The following ROBO1 variants were observed in gnomAD, a reference collection of about 807,000 sequenced individuals.
ROBO1 encodes the protein roundabout homolog 1.
ROBO1 carries 149 observed loss-of-function variants against 195.9 expected under a neutral mutation model. That is an observed-to-expected ratio of 0.76 (90% CI 0.67 to 0.87). The LOEUF (loss-of-function observed/expected upper bound fraction) is 0.87. Ranked by LOEUF, ROBO1 falls within the 40% of genes least tolerant of loss-of-function variation. The pLI is 0.00. For missense variants in ROBO1, 1,933 were observed against 2,068.3 expected (o/e 0.93, Z 1.27); for synonymous variants, 816 against 733.2 (o/e 1.11, Z -1.82).
At chr3:79,075,448 T>C (rs1030995005) in intron 3 of ROBO1, among the ~76,000 whole-genome samples, 1 of 152,004 alleles carries the variant, frequency 6.6e-6, no homozygotes, top group Admixed American at 6.6e-5. Flanking sequence ...TAACAAAATA[T>C]GTATTTTCTA....
chr3:79,649,727 C>T (rs913340272), intron 1 of ROBO1, among the ~76,000 whole-genome samples: 3 of 152,036 alleles, frequency 2.0e-5, no homozygotes, highest in African/African-American at 7.2e-5. Flanking sequence ...GGAAATTAGC[C>T]TATGAGTCTG....
chr3:79,171,163 T>C (rs2081158206), intron 2 of ROBO1, among the ~76,000 whole-genome samples: 2 of 149,922 alleles, frequency 1.3e-5, no homozygotes, highest in Admixed American at 1.3e-4. Flanking sequence ...TTAAATATCT[T>C]ATGTTAAAAA....
intron 2 of ROBO1, among the ~76,000 whole-genome samples, chr3:79,250,776 C>A (rs2108908041): frequency 6.6e-6 from 1 of 152,118 alleles, no homozygotes; most frequent in South Asian, 2.1e-4. Flanking sequence ...GAAATGAGGG[C>A]CAGGCGCGTT....
chr3:79,690,774 T>C (rs1947275962), intron 1 of ROBO1, among the ~76,000 whole-genome samples: 3 of 151,982 alleles, frequency 2.0e-5, no homozygotes, highest in Non-Finnish European at 2.9e-5. Context: ...ATTCACTTAA[T>C]GAATATTATC....
chr3:79,239,745 T>C (rs1182778159), intron 2 of ROBO1, among the ~76,000 whole-genome samples: 1 of 152,208 alleles, frequency 6.6e-6, no homozygotes, highest in Non-Finnish European at 1.5e-5. Flanking sequence ...TACATCTGTT[T>C]GATCTTTTCA....
chr3:79,706,671 G>A (rs1447805216), intron 1 of ROBO1, among the ~76,000 whole-genome samples: 1 of 152,028 alleles, frequency 6.6e-6, no homozygotes, highest in Non-Finnish European at 1.5e-5. Context: ...GGCGGGGGTA[G>A]TTTCCCTGCA....
chr3:79,236,152 G>C (rs2082403468), intron 2 of ROBO1, among the ~76,000 whole-genome samples: 1 of 151,980 alleles, frequency 6.6e-6, no homozygotes, highest in Admixed American at 6.5e-5. Flanking sequence ...ACACACGTAT[G>C]ACATTTTCAT....
chr3:78,719,224 C>G (rs2081982786), intron 5 of ROBO1, among the ~76,000 whole-genome samples: 1 of 152,030 alleles, frequency 6.6e-6, no homozygotes, highest in Non-Finnish European at 1.5e-5. Flanking sequence ...CAGAATGACG[C>G]CTGCACGCAG....
At chr3:78,826,764 G>A (rs1382178616) in intron 4 of ROBO1, among the ~76,000 whole-genome samples, 3 of 152,094 alleles carry the variant, frequency 2.0e-5, no homozygotes, top group Non-Finnish European at 2.9e-5. Flanking sequence ...TTATCACTTC[G>A]ATATATTTGT....
intron 2 of ROBO1, among the ~76,000 whole-genome samples, chr3:79,280,870 G>T (rs1300362687): frequency 6.6e-6 from 1 of 152,168 alleles, no homozygotes; most frequent in Non-Finnish European, 1.5e-5. Flanking sequence ...CCGCAGATCT[G>T]ACAGGAGGCG....
intron 2 of ROBO1, among the ~76,000 whole-genome samples, chr3:79,141,132 T>C (rs564705380): frequency 1.3e-5 from 2 of 152,276 alleles, no homozygotes; most frequent in South Asian, 2.1e-4. Flanking sequence ...TGTAGAGAGA[T>C]AGAAACTATG....
intron 26 of ROBO1, among the ~76,000 whole-genome samples, chr3:78,623,405 C>T (rs1399868573): frequency 6.6e-6 from 1 of 152,096 alleles, no homozygotes; most frequent in African/African-American, 2.4e-5. Context: ...GTGCTTATTC[C>T]AGGAACTAGA....
chr3:79,407,322 C>T lies in ROBO1; in HGVS notation c.88+182502G>A, dbSNP rs548117704. 2.0e-5 allele frequency among the ~76,000 whole-genome samples: 3 copies of T among 152,316 alleles called. No individual in the cohort carries two copies. In the East Asian group the frequency reaches 5.8e-4, roughly 29 times the overall value. On this transcript the variant is annotated intron_variant, in intron 2 of 30. Coordinates refer to ENST00000464233, the MANE Select transcript of ROBO1 (RefSeq NM_002941.4). Reference sequence around the variant, plus strand: ...TAAATGGATGATGTACATAAACTCACAGTCTCGGGGCCTTGCCTTATGAAA... The same window carrying T: ...TAAATGGATGATGTACATAAACTCATAGTCTCGGGGCCTTGCCTTATGAAA...
intron 5 of ROBO1, among the ~76,000 whole-genome samples, chr3:78,745,256 C>T (rs145463207): frequency 0.013 from 1,877 of 145,668 alleles, 15 homozygotes; most frequent in Non-Finnish European, 0.021. Context: ...TTCAGTGAGC[C>T]GAGATCGTGC....
At chr3:79,122,199 A>C (rs919051704) in intron 3 of ROBO1, among the ~76,000 whole-genome samples, 1 of 152,018 alleles carries the variant, frequency 6.6e-6, no homozygotes, top group Non-Finnish European at 1.5e-5. Context: ...TTGTTCTTGC[A>C]ACAAAGGCTA....
At chr3:79,124,768 A>G (rs1328687025) in intron 3 of ROBO1, among the ~76,000 whole-genome samples, 1 of 152,220 alleles carries the variant, frequency 6.6e-6, no homozygotes, top group Non-Finnish European at 1.5e-5. Flanking sequence ...TTTTAGTCAA[A>G]TTATCTCAGA....
At chr3:79,189,369 A>C (rs528713608) in intron 2 of ROBO1, among the ~76,000 whole-genome samples, 1 of 151,956 alleles carries the variant, frequency 6.6e-6, no homozygotes, top group Admixed American at 6.6e-5. Context: ...TGAACTAAAT[A>C]AATGTAAATA....
intron 5 of ROBO1, among the ~76,000 whole-genome samples, chr3:78,745,011 G>T (rs2082621863): frequency 6.6e-6 from 1 of 152,052 alleles, no homozygotes. Flanking sequence ...TGCATCTCCA[G>T]GGCTAAGAAT....
At chr3:79,745,209 A>G (rs1703822115) in intron 1 of ROBO1, among the ~76,000 whole-genome samples, 1 of 152,144 alleles carries the variant, frequency 6.6e-6, no homozygotes, top group African/African-American at 2.4e-5. Flanking sequence ...CTGCCCTGAA[A>G]TATTCAAACT....
Sources: gnomAD v4.1 joint callset for allele counts (sites outside exome capture counted in the v4.1 genomes callset) on GRCh38, gnomAD v4.1.1 for gene constraint, MANE v1.5 for transcripts, NCBI Gene and HGNC (gene_info 2026-07-23, HGNC 2026-07-21) for gene names.